The following JAKMIP3 variants were observed in gnomAD, a reference collection of about 807,000 sequenced individuals.
JAKMIP3 encodes the protein janus kinase and microtubule-interacting protein 3.
In JAKMIP3, 58 loss-of-function variants were observed where a neutral mutation model predicts 118.5. The observed-to-expected ratio is 0.49, with a 90% CI of 0.40 to 0.61. The LOEUF (loss-of-function observed/expected upper bound fraction) is 0.61. JAKMIP3 is among the 20% of genes least tolerant of loss of function. The pLI is 0.00. For synonymous variants in JAKMIP3, 486 were observed against 451.2 expected (o/e 1.08, Z -0.98); for missense variants, 950 against 1,109.0 (o/e 0.86, Z 2.04).
At chr10:132,093,391 CCTT>C (rs1391923009) in intron 1 of JAKMIP3, among the ~76,000 whole-genome samples, 1 of 152,162 alleles carries the variant, frequency 6.6e-6, no homozygotes, top group Non-Finnish European at 1.5e-5. Context: ...GGCAGGCAGG[CCTT>C]CTTCCTGGCA....
At chr10:132,065,420 C>T (rs2038639676), upstream of JAKMIP3, among the ~76,000 whole-genome samples, 1 of 125,102 alleles carries the variant, frequency 8.0e-6, no homozygotes, top group Admixed American at 8.8e-5. The surrounding 1 kb of genome is among the most constrained non-coding windows in gnomAD (Gnocchi z 5.6). Flanking sequence ...AAAATAGATA[C>T]CCTCAGAGTG....
chr10:132,109,043 T>C lies in JAKMIP3; in HGVS notation c.135+4100T>C, dbSNP rs2046386313. On this transcript the variant is annotated intron_variant, in intron 2 of 23. Coordinates refer to ENST00000684848, the MANE Select transcript of JAKMIP3 (RefSeq NM_001323087.2). Reference sequence around the variant, plus strand: ...TATACAAATTATATATGTATATATATACACACACATACATGCACATATACA... The same window carrying C: ...TATACAAATTATATATGTATATATACACACACACATACATGCACATATACA... Among the ~76,000 whole-genome samples, 2 of 140,236 alleles carry C rather than the reference T, an allele frequency of 1.4e-5. 1 individual carries two copies. The highest frequency in any genetic ancestry group is 5.4e-5 in the African/African-American group (2 of 37,120). 92.0% of individuals were successfully genotyped at this position (140,236 alleles called of 152,430 possible). A position where few individuals can be genotyped will look rare whatever the true frequency, so the allele number is the denominator to read the frequency against.
At chr10:132,092,825 T>C (rs956573332) in intron 1 of JAKMIP3, among the ~76,000 whole-genome samples, 12 of 152,232 alleles carry the variant, frequency 7.9e-5, no homozygotes, top group African/African-American at 2.9e-4. Context: ...CTGCATTCCT[T>C]TGGAGGGGGA....
At chr10:132,161,026 G>T (rs1338140970) in intron 19 of JAKMIP3, among the ~76,000 whole-genome samples, 15 of 93,706 alleles carry the variant, frequency 1.6e-4, no homozygotes, top group African/African-American at 5.6e-4. Flanking sequence ...TGATGCTGGG[G>T]GGGCCTCTTC....
intron 3 of JAKMIP3, among the ~76,000 whole-genome samples, chr10:132,131,464 G>A (rs765716070): frequency 2.0e-5 from 3 of 151,248 alleles, no homozygotes; most frequent in South Asian, 2.1e-4. Flanking sequence ...AGGGGTGAGG[G>A]TGTCGGGCCC....
chr10:132,046,536 C>T (rs1035669777), intron 1 of JAKMIP3, among the ~76,000 whole-genome samples: 3 of 152,112 alleles, frequency 2.0e-5, no homozygotes, highest in Non-Finnish European at 4.4e-5. Context: ...TTGGGTCTTC[C>T]ATTTCTGTGT....
intron 1 of JAKMIP3, among the ~76,000 whole-genome samples, chr10:132,053,494 C>G (rs966286659): frequency 6.6e-6 from 1 of 152,204 alleles, no homozygotes; most frequent in Non-Finnish European, 1.5e-5. Context: ...TGCCCTCAGG[C>G]GAACACTGCT....
intron 1 of JAKMIP3, among the ~76,000 whole-genome samples, chr10:132,057,473 A>G (rs1418552880): frequency 3.9e-5 from 6 of 152,210 alleles, no homozygotes; most frequent in Admixed American, 1.3e-4. Context: ...CTGGTTGCAC[A>G]GGAAGGATAA....
intron 10 of JAKMIP3, 115 bp from the exon 11 acceptor site, chr10:132,141,805 C>T: frequency 2.5e-6 from 3 of 1,217,408 alleles, no homozygotes; most frequent in South Asian, 1.5e-5. Flanking sequence ...GAGAGACCCC[C>T]CCATACACCA....
In JAKMIP3 at chr10:132,165,032, GT is replaced by G. The variant is rs56872587; in HGVS notation, c.2490+300del. Among the ~76,000 whole-genome samples the G allele has an allele frequency of 0.014, 2,081 of 152,358 alleles. 167 individuals are homozygous for G. In the East Asian group the frequency reaches 0.21, roughly 16 times the overall value. On this transcript the variant is annotated intron_variant, in intron 21 of 23. Transcript: ENST00000684848. The stretch of plus-strand genomic sequence containing the variant: ...AGGAGCCACTCCTCTTGTGGCCTCA[GT>G]TTCCCCATCTGGAGCCAACGGCCTC...
chr10:132,180,716 T>TGTGC lies in JAKMIP3; in HGVS notation c.*1104-1637_*1104-1634dup, dbSNP rs1390233542. On this transcript the variant is annotated intron_variant, in intron 23 of 23. Transcript: ENST00000684848. ...GCGTGCGTGTGTGTGTGCGCGTGTG[T>TGTGC]GTGCGTGTGTGTGCGTGTGTGCGTG... Among the ~76,000 whole-genome samples the TGTGC allele has an allele frequency of 3.6e-4, 9 of 25,160 alleles. 2 individuals carry two copies. Among genetic ancestry groups the TGTGC allele is most frequent in the African/African-American group, 2.1e-3 (8 of 3,846 alleles). The allele number at this position is 25,160 out of a possible 152,430, so 16.5% of individuals were successfully genotyped here.
chr10:132,108,948 A>T (rs182329094), intron 2 of JAKMIP3, among the ~76,000 whole-genome samples: 4 of 143,640 alleles, frequency 2.8e-5, no homozygotes, highest in African/African-American at 1.1e-4. Flanking sequence ...TATATAAATT[A>T]TATACGCAAA....
At position 132,152,977 on chromosome 10, in the gene JAKMIP3, A is replaced by G. The variant is rs764237496; in HGVS notation, c.2027A>G (p.Gln676Arg). Residue 676 changes from glutamine (Q) to arginine (R), a missense_variant, in exon 17 of 24, where the codon CAG (glutamine) becomes CGG (arginine). Gln to Arg is a conservative substitution (Grantham distance 43, BLOSUM62 1). Coordinates refer to ENST00000684848, the MANE Select transcript of JAKMIP3 (RefSeq NM_001323087.2). ...GTGCAGAACCTGACCAATGAGGAGC[A>G]GGTGGTTGTCATACAAGCCAGGACA... ...NAVSNLTNEE[Q>R]VVVIQARTVL... The G allele has an allele frequency of 1.9e-6, 3 of 1,608,116 alleles. No individual in the cohort carries two copies. The highest frequency in any genetic ancestry group is 1.3e-5 in the African/African-American group (1 of 74,878).
chr10:132,145,084 G>A lies in JAKMIP3; in HGVS notation c.1603-23G>A, dbSNP rs751318929. Reference sequence around the variant, plus strand: ...TCCCAGCTTTTAGAGAAAATTTGATGTATCTTTCCTCCCGTCCTACAGACC... The same window carrying A: ...TCCCAGCTTTTAGAGAAAATTTGATATATCTTTCCTCCCGTCCTACAGACC... On this transcript the variant is annotated intron_variant, in intron 11 of 23. Transcript: ENST00000684848. 9.4e-6 allele frequency: 15 copies of A among 1,602,184 alleles called. No individual in the cohort carries two copies. The African/African-American group carries it at 1.1e-4, about 11-fold the overall frequency.
chr10:132,172,966 CCT>C (rs1288069151), intron 23 of JAKMIP3, among the ~76,000 whole-genome samples: 3 of 119,932 alleles, frequency 2.5e-5, no homozygotes, highest in African/African-American at 1.1e-4. Context: ...TCTCTCCTTC[CCT>C]CTCTCTCCTT....
At chr10:132,071,160 A>AGTGCGT (rs2039770767) in intron 1 of JAKMIP3, among the ~76,000 whole-genome samples, 1 of 149,044 alleles carries the variant, frequency 6.7e-6, no homozygotes, top group Non-Finnish European at 1.5e-5. Flanking sequence ...GTCATTTAAA[A>AGTGCGT]GTGTGTGTGT....
In JAKMIP3 at chr10:132,167,072, C is replaced by T. The variant is rs1273182920; in HGVS notation, c.*22+17C>T. 8.6e-6 allele frequency: 13 copies of T among 1,507,338 alleles called. No homozygotes were observed. Among genetic ancestry groups the T allele is most frequent in the Non-Finnish European group, 1.1e-5 (12 of 1,107,164 alleles). 93.4% of individuals were successfully genotyped at this position (1,507,338 alleles called of 1,614,324 possible). On this transcript the variant is annotated intron_variant, in intron 22 of 23. Transcript: ENST00000684848. ...CCTGACGTGGTGAGTATTTCGTTGG[C>T]AGGGCCCAGCAGGGGTCCCGCTCTG... is the stretch of plus-strand genomic sequence containing the variant.
intron 23 of JAKMIP3, among the ~76,000 whole-genome samples, chr10:132,169,418 A>G (rs907569883): frequency 1.3e-5 from 2 of 151,806 alleles, no homozygotes; most frequent in Non-Finnish European, 2.9e-5. Context: ...GCCGCCCCAC[A>G]CTCGGCCCCG....
chr10:132,180,540 T>TGTGCGC, intron 23 of JAKMIP3, among the ~76,000 whole-genome samples: 1 of 32,698 alleles, frequency 3.1e-5, no homozygotes, highest in African/African-American at 1.7e-4. Context: ...TGTGTGTGTG[T>TGTGCGC]GTGTGCGTGC....
Sources: gnomAD v4.1 joint callset for allele counts (sites outside exome capture counted in the v4.1 genomes callset) on GRCh38, gnomAD v4.1.1 for gene constraint, Gnocchi (gnomAD v3.1) non-coding constraint, MANE v1.5 for transcripts, NCBI Gene and HGNC (gene_info 2026-07-23, HGNC 2026-07-21) for gene names.